CIDEC: variants seen among roughly 807,000 people sequenced by gnomAD.
CIDEC encodes the protein cell death inducing DFFA like effector c, also known as lipid transferase CIDEC.
In CIDEC, 11 loss-of-function variants were observed where a neutral mutation model predicts 21.9. That is an observed-to-expected ratio of 0.50 (90% CI 0.32 to 0.83). The LOEUF is 0.83. CIDEC is among the 40% of genes least tolerant of loss of function. CIDEC has a pLI of 0.04. For synonymous variants in CIDEC, 127 were observed against 124.9 expected (o/e 1.02, Z -0.11); for missense variants, 302 against 302.3 (o/e 1.00, Z 0.01).
At chr3:9,877,861 T>TAGCAAAGTTCA (rs1170553680) in intron 3 of CIDEC, 2 of 164,470 alleles carry the variant, frequency 1.2e-5, no homozygotes, top group African/African-American at 4.8e-5. Flanking sequence ...GAGGAGTAAG[T>TAGCAAAGTTCA]AGCAAAGTAA....
In CIDEC at chr3:9,878,444, A is replaced by C; in HGVS notation, c.43T>G (p.Ser15Ala). ...CATGACTTTCCTCACCTGGAGAGGG[A>C]CTTGGGGTAGAGAAGGCTAAGGGAC... ...MKSLSLLYPK[S>A]LSRHVSVRTS... The change falls in exon 3 of 7, where the codon TCC becomes GCC. Residue 15 changes from serine (S) to alanine (A), a missense_variant. Coordinates refer to ENST00000336832, the MANE Select transcript of CIDEC (RefSeq NM_001321142.2). The C allele has an allele frequency of 6.2e-7, 1 of 1,612,804 alleles. No individual in the cohort carries two copies. Among genetic ancestry groups the C allele is most frequent in the Non-Finnish European group, 8.5e-7 (1 of 1,178,882 alleles).
rs865987667 is a variant in CIDEC at position 9,870,647 on chromosome 3, G to A, written c.208-325C>T. On this transcript the variant is annotated intron_variant, in intron 4 of 6. Transcript: ENST00000336832. ...TACCTAATAGTGCAGTGACTACTAGGCTGGAATGCAGTAATCATAAGCATA... is the reference window on the plus strand; with the variant it reads ...TACCTAATAGTGCAGTGACTACTAGACTGGAATGCAGTAATCATAAGCATA... Among the ~76,000 whole-genome samples the A allele has an allele frequency of 2.6e-4, 39 of 152,260 alleles. 1 individual carries two copies. In the Middle Eastern group the frequency reaches 0.02, roughly 80 times the overall value.
intron 2 of CIDEC, 167 bp from the exon 3 acceptor site, chr3:9,878,678 A>C: frequency 1.4e-6 from 2 of 1,417,654 alleles, no homozygotes; most frequent in Non-Finnish European, 1.9e-6. Context: ...GGCCCCATGC[A>C]TGCCAACCAA....
chr3:9,870,630 A>G (rs2082335504), intron 4 of CIDEC, among the ~76,000 whole-genome samples: 1 of 152,226 alleles, frequency 6.6e-6, no homozygotes, highest in African/African-American at 2.4e-5. Flanking sequence ...ACTACCTAAT[A>G]GTGCAGTGAC....
intron 4 of CIDEC, among the ~76,000 whole-genome samples, chr3:9,871,965 GGTTTT>G (rs2082354394): frequency 6.6e-6 from 1 of 151,424 alleles, no homozygotes; most frequent in African/African-American, 2.4e-5. Flanking sequence ...TTTTGTTTTT[GGTTTT>G]GTTTTGTTTT....
At chr3:9,877,291 C>G (rs1406134541) in intron 3 of CIDEC, 72 bp from the exon 4 acceptor site, 8 of 1,389,148 alleles carry the variant, frequency 5.8e-6, no homozygotes, top group Middle Eastern at 4.9e-4. Context: ...GGGGAGCCAC[C>G]TCCCCACCCC....
Position 9,870,082 on chromosome 3 carries a change from A to T in CIDEC, c.367-13T>A. ...GGTGCCTTGTCCCCTGCATTGAGAC[A>T]AGCAAATGGTTAGCACCCCTTGAAG... is the stretch of plus-strand genomic sequence containing the variant. On this transcript the variant is annotated splice_polypyrimidine_tract_variant and intron_variant, in intron 5 of 6. Transcript: ENST00000336832. 1 of 1,614,120 alleles carries T rather than the reference A, an allele frequency of 6.2e-7. No homozygotes were observed. Among genetic ancestry groups the T allele is most frequent in the Non-Finnish European group, 8.5e-7 (1 of 1,180,006 alleles).
At chr3:9,868,146 T>G (rs745828459) in intron 6 of CIDEC, among the ~76,000 whole-genome samples, 4 of 152,338 alleles carry the variant, frequency 2.6e-5, no homozygotes, top group Non-Finnish European at 2.9e-5. Context: ...TCAAGATTAG[T>G]GCGAGGACCT....
In CIDEC at chr3:9,880,226, C is replaced by A. The variant is rs897615215; in HGVS notation, c.-141G>T. 1 of 152,196 alleles carries A rather than the reference C, an allele frequency of 6.6e-6. No individual in the cohort carries two copies. The allele number at this position is 152,196 out of a possible 1,614,324, so 9.4% of individuals were successfully genotyped here. A position where few individuals can be genotyped will look rare whatever the true frequency, so the allele number is the denominator to read the frequency against. ...CAAAACAATAACAAACTCCTTACCTCCCCCTCACAGCCTCCTGGAAATACT... is the reference window on the plus strand; with the variant it reads ...CAAAACAATAACAAACTCCTTACCTACCCCTCACAGCCTCCTGGAAATACT... On this transcript the variant is annotated splice_region_variant and 5_prime_UTR_variant, in exon 1 of 7. Coordinates refer to ENST00000336832, the MANE Select transcript of CIDEC (RefSeq NM_001321142.2).
chr3:9,870,549 T>C, intron 4 of CIDEC: 1 of 1,320,582 alleles, frequency 7.6e-7, no homozygotes, highest in South Asian at 1.3e-5. Flanking sequence ...TTACATACTC[T>C]AAAAGTTACC....
chr3:9,879,511 T>G (rs1404722277), intron 1 of CIDEC, among the ~76,000 whole-genome samples: 1 of 152,128 alleles, frequency 6.6e-6, no homozygotes, highest in Admixed American at 6.6e-5. Flanking sequence ...TTTAACTAAT[T>G]TAAATTTAAA....
chr3:9,874,985 G>A (rs1179202252), intron 4 of CIDEC, among the ~76,000 whole-genome samples: 1 of 151,956 alleles, frequency 6.6e-6, no homozygotes, highest in Admixed American at 6.6e-5. Flanking sequence ...CTCCTGCCTC[G>A]GCCTCCCAAA....
intron 4 of CIDEC, among the ~76,000 whole-genome samples, chr3:9,871,703 C>T (rs531142220): frequency 5.3e-5 from 8 of 152,088 alleles, no homozygotes; most frequent in African/African-American, 1.9e-4. Flanking sequence ...GATCTCGACT[C>T]ACCGCAATCC....
rs766343105 is a variant in CIDEC at position 9,867,088 on chromosome 3, C to T, written c.*46G>A. ...GGGCACTACCAGTTAAGCGTGAGGC[C>T]CCCAGTCAGTCCTTCACTGGGGAAA... On this transcript the variant is annotated 3_prime_UTR_variant, in exon 7 of 7. Coordinates refer to ENST00000336832, the MANE Select transcript of CIDEC (RefSeq NM_001321142.2). 2.5e-6 allele frequency: 4 copies of T among 1,605,154 alleles called. No individual in the cohort carries two copies. Among genetic ancestry groups the T allele is most frequent in the African/African-American group, 2.7e-5 (2 of 74,734 alleles).
intron 5 of CIDEC, 26 bp from the exon 6 acceptor site, chr3:9,870,095 G>A: frequency 6.2e-7 from 1 of 1,614,022 alleles, no homozygotes; most frequent in South Asian, 1.1e-5. Context: ...CAAATGGTTA[G>A]CACCCCTTGA....
At chr3:9,869,592 G>A (rs1247315221) in intron 6 of CIDEC, among the ~76,000 whole-genome samples, 4 of 152,120 alleles carry the variant, frequency 2.6e-5, no homozygotes, top group African/African-American at 7.2e-5. Context: ...AGACTACTTA[G>A]GAAAACTTCC....
intron 3 of CIDEC, 172 bp downstream of exon 3, chr3:9,878,254 TTAATATCA>T: frequency 1.5e-6 from 1 of 658,428 alleles, no homozygotes; most frequent in Non-Finnish European, 2.8e-6. Context: ...AGCAGCAGCA[TTAATATCA>T]CCCAGGGACT....
chr3:9,867,380 G>T (rs2082286818), intron 6 of CIDEC, 84 bp from the exon 7 acceptor site: 2 of 1,441,106 alleles, frequency 1.4e-6, no homozygotes, highest in Non-Finnish European at 1.9e-6. Context: ...AGCACTTTGG[G>T]AGGCCATGGA....
chr3:9,877,349 T>C, intron 3 of CIDEC, 130 bp from the exon 4 acceptor site: 1 of 888,128 alleles, frequency 1.1e-6, no homozygotes, highest in Non-Finnish European at 1.8e-6. Context: ...CTGCTAATCC[T>C]GCCCTAGTCT....
Sources: gnomAD v4.1 joint callset for allele counts (sites outside exome capture counted in the v4.1 genomes callset) on GRCh38, gnomAD v4.1.1 for gene constraint, MANE v1.5 for transcripts, NCBI Gene and HGNC (gene_info 2026-07-23, HGNC 2026-07-21) for gene names.